FYN: variants seen among roughly 807,000 people sequenced by gnomAD.
FYN encodes the protein tyrosine-protein kinase Fyn.
In FYN, 10 loss-of-function variants were observed where a neutral mutation model predicts 70.2. The observed-to-expected ratio is 0.14, with a 90% CI of 0.09 to 0.24. FYN has a LOEUF of 0.24. FYN is among the 10% of genes least tolerant of loss of function. The pLI, the probability that FYN is intolerant of heterozygous loss-of-function variation, is 1.00. For missense variants in FYN, 319 were observed against 673.1 expected (o/e 0.47, Z 5.82); for synonymous variants, 236 against 248.6 (o/e 0.95, Z 0.48).
At chr6:111,702,626 T>C (rs1277995335) in intron 8 of FYN, 1 of 342,766 alleles carries the variant, frequency 2.9e-6, no homozygotes, top group African/African-American at 2.1e-5. Flanking sequence ...ACTTTTAAAA[T>C]TTAACCTATT....
chr6:111,820,172 A>G (rs1433120564), intron 2 of FYN: 1 of 152,248 alleles, frequency 6.6e-6, no homozygotes, highest in African/African-American at 2.4e-5. Flanking sequence ...ATTGTATCTG[A>G]CAAGGCTCAC....
intron 2 of FYN, among the ~76,000 whole-genome samples, chr6:111,815,105 C>T (rs1350929777): frequency 6.6e-6 from 1 of 152,174 alleles, no homozygotes; most frequent in African/African-American, 2.4e-5. Context: ...ACAGAACTAG[C>T]TCATGAAATC....
chr6:111,739,520 C>G (rs1801856717), intron 3 of FYN, among the ~76,000 whole-genome samples: 1 of 152,206 alleles, frequency 6.6e-6, no homozygotes, highest in Admixed American at 6.5e-5. Flanking sequence ...TCATGAGAGG[C>G]CCCGCCGCTG....
At chr6:111,700,528 G>C (rs1799785209) in intron 8 of FYN, among the ~76,000 whole-genome samples, 1 of 152,154 alleles carries the variant, frequency 6.6e-6, no homozygotes, top group African/African-American at 2.4e-5. Flanking sequence ...TAGAAGAGAG[G>C]ACGTTTTAAA....
intron 12 of FYN, among the ~76,000 whole-genome samples, chr6:111,688,843 G>A (rs952471424): frequency 2.0e-5 from 3 of 152,168 alleles, no homozygotes; most frequent in South Asian, 2.1e-4. Flanking sequence ...CAGTGGATGT[G>A]TGACTCCCCG....
chr6:111,767,971 G>A (rs1312409913), intron 3 of FYN, among the ~76,000 whole-genome samples: 3 of 152,130 alleles, frequency 2.0e-5, no homozygotes, highest in Non-Finnish European at 4.4e-5. Context: ...TTGAAAAACA[G>A]GCAGCACACT....
intron 3 of FYN, among the ~76,000 whole-genome samples, chr6:111,757,968 A>T (rs1802815846): frequency 1.3e-5 from 2 of 152,288 alleles, no homozygotes; most frequent in Admixed American, 1.3e-4. Flanking sequence ...TAATGAAGTG[A>T]CAAAAAAAAT....
intron 3 of FYN, among the ~76,000 whole-genome samples, chr6:111,766,890 T>C (rs1803246887): frequency 6.6e-6 from 1 of 152,196 alleles, no homozygotes; most frequent in Non-Finnish European, 1.5e-5. Context: ...TCATATAATG[T>C]CTTTTCCTAT....
At chr6:111,735,212 C>T (rs890798895) in intron 3 of FYN, among the ~76,000 whole-genome samples, 12 of 152,154 alleles carry the variant, frequency 7.9e-5, no homozygotes, top group African/African-American at 2.9e-4. Flanking sequence ...AAGCATATTT[C>T]GAGGCTTTGG....
chr6:111,861,633 T>C (rs951085265), intron 1 of FYN, among the ~76,000 whole-genome samples: 2 of 152,144 alleles, frequency 1.3e-5, no homozygotes. Context: ...CCCAGATACA[T>C]TAAACCTGGC....
chr6:111,802,940 A>G (rs1470914045), intron 2 of FYN, among the ~76,000 whole-genome samples: 4 of 152,228 alleles, frequency 2.6e-5, no homozygotes, highest in Admixed American at 2.0e-4. Flanking sequence ...TCAATCATAC[A>G]TGATTTTCTT....
chr6:111,719,868 T>C lies in FYN; in HGVS notation c.184A>G (p.Thr62Ala), dbSNP rs765972374. Residue 62 changes from threonine (T) to alanine (A), a missense_variant, in exon 4 of 14, where the codon ACC (threonine) becomes GCC (alanine). Coordinates refer to ENST00000354650, the MANE Select transcript of FYN (RefSeq NM_002037.5). Reference protein sequence around the residue: ...NFHAAGGQGLTVFGGVNSSSH... With the variant: ...NFHAAGGQGLAVFGGVNSSSH... ...GAAGAGTTCACACCTCCAAAGACGGTGAGTCCTTGGCCCCCGGCTGCGTGG... is the reference window on the plus strand; with the variant it reads ...GAAGAGTTCACACCTCCAAAGACGGCGAGTCCTTGGCCCCCGGCTGCGTGG... 4 of 1,613,942 alleles carry C rather than the reference T, an allele frequency of 2.5e-6. No homozygotes were observed. The East Asian group carries it at 6.7e-5, about 27-fold the overall frequency.
chr6:111,713,585 G>T (rs890173806), intron 5 of FYN, among the ~76,000 whole-genome samples: 1 of 151,794 alleles, frequency 6.6e-6, no homozygotes, highest in Non-Finnish European at 1.5e-5. Flanking sequence ...TTTCTGAAGG[G>T]CCTCATCCAC....
chr6:111,708,073 TAG>T (rs1583339234), intron 5 of FYN, 53 bp from the exon 6 acceptor site: 10 of 1,348,724 alleles, frequency 7.4e-6, no homozygotes, highest in Non-Finnish European at 1.1e-5. Context: ...AGCTTGCAGT[TAG>T]AGACTCACTG....
intron 2 of FYN, among the ~76,000 whole-genome samples, chr6:111,796,046 T>A (rs1278460352): frequency 6.6e-6 from 1 of 152,260 alleles, no homozygotes; most frequent in Non-Finnish European, 1.5e-5. Context: ...CCCAATGGCT[T>A]AGACTCTATC....
intron 3 of FYN, among the ~76,000 whole-genome samples, chr6:111,741,743 C>T (rs905197843): frequency 1.3e-5 from 2 of 152,160 alleles, no homozygotes; most frequent in Non-Finnish European, 2.9e-5. Context: ...TTTTTCACTA[C>T]ACTAGTGGTT....
intron 2 of FYN, among the ~76,000 whole-genome samples, chr6:111,826,834 C>T (rs1428062280): frequency 8.5e-5 from 13 of 152,178 alleles, no homozygotes; most frequent in Admixed American, 8.5e-4. Context: ...CTAGCTCATA[C>T]CAGGGACCCA....
At chr6:111,739,241 C>T (rs1030241302) in intron 3 of FYN, among the ~76,000 whole-genome samples, 1 of 152,222 alleles carries the variant, frequency 6.6e-6, no homozygotes, top group African/African-American at 2.4e-5. Context: ...AGGGTGGAGA[C>T]AATCTGTTTA....
intron 3 of FYN, among the ~76,000 whole-genome samples, chr6:111,770,841 ACTCT>A (rs1217380309): frequency 1.3e-5 from 2 of 151,864 alleles, no homozygotes; most frequent in Non-Finnish European, 1.5e-5. Context: ...GAGCATGAGA[ACTCT>A]CTATCGTAAG....
Sources: allele counts gnomAD v4.1 joint callset (sites outside exome capture counted in the v4.1 genomes callset), GRCh38; gene constraint gnomAD v4.1.1; transcripts MANE v1.5; gene names NCBI Gene and HGNC (gene_info 2026-07-23, HGNC 2026-07-21).